DIP2B: variants seen among roughly 807,000 people sequenced by gnomAD.
DIP2B encodes DIP2 acetate--CoA ligase B (putative).
In DIP2B, 76 loss-of-function variants were observed where a neutral mutation model predicts 198.0. That is an observed-to-expected ratio of 0.38 (90% confidence interval 0.32 to 0.46). The LOEUF (loss-of-function observed/expected upper bound fraction) is 0.46. DIP2B is among the 20% of genes least tolerant of loss of function. The probability of loss-of-function intolerance (pLI) is 0.99; values close to 1 mark genes in which losing one functional copy is unlikely to be tolerated. For missense variants in DIP2B, 1,559 were observed against 1,978.4 expected (o/e 0.79, Z 4.02); for synonymous variants, 701 against 739.1 (o/e 0.95, Z 0.84).
chr12:50,688,463 G>A (rs1939168640), intron 12 of DIP2B, among the ~76,000 whole-genome samples: 1 of 152,142 alleles, frequency 6.6e-6, no homozygotes, highest in Middle Eastern at 3.4e-3. Flanking sequence ...ACTAACCTGA[G>A]TAACATAGTG....
At chr12:50,594,988 G>A (rs1448112620) in intron 1 of DIP2B, among the ~76,000 whole-genome samples, 1 of 152,168 alleles carries the variant, frequency 6.6e-6, no homozygotes, top group Non-Finnish European at 1.5e-5. Flanking sequence ...TAACTGTAAT[G>A]TAGTACTATG....
At chr12:50,738,773 C>T (rs1017756827) in intron 35 of DIP2B, among the ~76,000 whole-genome samples, 8 of 152,168 alleles carry the variant, frequency 5.3e-5, no homozygotes, top group African/African-American at 1.9e-4. Context: ...AGCCACCACG[C>T]CCAGCCTATT....
intron 4 of DIP2B, among the ~76,000 whole-genome samples, chr12:50,670,256 T>G (rs1303034837): frequency 6.6e-6 from 1 of 151,250 alleles, no homozygotes. Context: ...AAGAAAGAAA[T>G]ACTGATGCTG....
chr12:50,549,261 G>A (rs182523735), intron 1 of DIP2B, among the ~76,000 whole-genome samples: 1 of 151,762 alleles, frequency 6.6e-6, no homozygotes, highest in African/African-American at 2.4e-5. Context: ...AAGGTCAAGA[G>A]ATCAAGACCA....
rs777885664 is a variant in DIP2B at position 50,680,705 on chromosome 12, A to G, written c.1148A>G (p.Tyr383Cys). 1.9e-6 allele frequency: 3 copies of G among 1,613,380 alleles called. No homozygotes were observed. Among genetic ancestry groups the G allele is most frequent in the Non-Finnish European group, 2.5e-6 (3 of 1,179,836 alleles). ...TGGAGCAGAAGTTTAAAGTTGGCCT[A>G]CACACTTCTTAATAAACTGGGGACC... ...KLWSRSLKLA[Y>C]TLLNKLGTKN... Residue 383 changes from tyrosine to cysteine, a missense_variant, in exon 9 of 38, where the codon TAC (tyrosine) becomes TGC (cysteine). Tyr to Cys is a radical substitution (Grantham distance 194, BLOSUM62 -2). Coordinates refer to ENST00000301180, the MANE Select transcript of DIP2B (RefSeq NM_173602.3).
At chr12:50,654,323 G>T (rs1416550840) in intron 3 of DIP2B, among the ~76,000 whole-genome samples, 1 of 150,982 alleles carries the variant, frequency 6.6e-6, no homozygotes, top group African/African-American at 2.4e-5. Flanking sequence ...CAAAAAAACA[G>T]ATGCCATACT....
At chr12:50,705,912 G>GT (rs1251745137) in intron 20 of DIP2B, among the ~76,000 whole-genome samples, 12 of 152,338 alleles carry the variant, frequency 7.9e-5, no homozygotes, top group African/African-American at 2.9e-4. Context: ...TGTAATGAAT[G>GT]AGAAAAGTTA....
At chr12:50,599,107 T>C (rs1958913831) in intron 1 of DIP2B, among the ~76,000 whole-genome samples, 2 of 140,272 alleles carry the variant, frequency 1.4e-5, no homozygotes, top group South Asian at 4.7e-4. Context: ...CTGGGCGACA[T>C]GGCAAAACTC....
chr12:50,720,832 G>T lies in DIP2B; in HGVS notation c.3043-441G>T, dbSNP rs573735664. On this transcript the variant is annotated intron_variant, in intron 25 of 37. Coordinates refer to ENST00000301180, the MANE Select transcript of DIP2B (RefSeq NM_173602.3). ...GCGTCCCATACATGTCTTTTTGTTT[G>T]ATTTTATTTTATTATTATTTTTTCT... Among the ~76,000 whole-genome samples, 32 of 152,202 alleles carry T rather than the reference G, an allele frequency of 2.1e-4. 1 individual carries two copies. In the South Asian group the frequency reaches 6.6e-3, roughly 32 times the overall value.
chr12:50,659,893 A>G (rs879498301), intron 3 of DIP2B, among the ~76,000 whole-genome samples: 8 of 152,172 alleles, frequency 5.3e-5, no homozygotes, highest in Non-Finnish European at 7.3e-5. Flanking sequence ...TGTTAGACTC[A>G]GTATTCTGTC....
chr12:50,599,850 G>C (rs906613008), intron 1 of DIP2B, among the ~76,000 whole-genome samples: 1 of 152,102 alleles, frequency 6.6e-6, no homozygotes, highest in African/African-American at 2.4e-5. Flanking sequence ...TGTTTTCTGC[G>C]ATGGCAATAG....
rs560575928 is a variant in DIP2B, at chr12:50,672,026, A to G, written c.640+628A>G. 5.3e-5 allele frequency among the ~76,000 whole-genome samples: 8 copies of G among 152,304 alleles called. No individual in the cohort carries two copies. The East Asian group carries it at 1.2e-3, about 22-fold the overall frequency. ...AGAGTTGTGACATCTGCAGATAAAGATACAGCTCAGATCTCTGCTTTTGCT... is the reference window on the plus strand; with the variant it reads ...AGAGTTGTGACATCTGCAGATAAAGGTACAGCTCAGATCTCTGCTTTTGCT... On this transcript the variant is annotated intron_variant, in intron 5 of 37. Transcript: ENST00000301180.
intron 37 of DIP2B, among the ~76,000 whole-genome samples, chr12:50,742,769 A>G (rs1022372086): frequency 7.2e-5 from 11 of 151,976 alleles, no homozygotes; most frequent in African/African-American, 2.4e-4. Flanking sequence ...AGTGGCAGGC[A>G]CCCGTAATCC....
Position 50,688,168 on chromosome 12 carries a change from C to T in DIP2B, c.1551+1486C>T, listed in dbSNP as rs146457056. On this transcript the variant is annotated intron_variant, in intron 12 of 37. Transcript: ENST00000301180. ...CAGAGGTTGCAGTGAGCTGAGATCA[C>T]GCCACTGCACTAGAGAGGCTGGATG... is the stretch of plus-strand genomic sequence containing the variant. Among the ~76,000 whole-genome samples the T allele has an allele frequency of 2.2e-3, 328 of 151,836 alleles. 2 individuals carry two copies. Among genetic ancestry groups the T allele is most frequent in the African/African-American group, 7.7e-3 (319 of 41,412 alleles).
At position 50,735,074 on chromosome 12, in the gene DIP2B, G is replaced by A; in HGVS notation, c.4045G>A (p.Val1349Ile). The A allele has an allele frequency of 6.2e-7, 1 of 1,614,164 alleles. No individual in the cohort carries two copies. The highest frequency in any genetic ancestry group is 1.1e-5 in the South Asian group (1 of 91,076). ...ATAGTAAATACCGTTCTTCTGCAGG[G>A]TTCGTCTCGTGGAACGTGGCGCCCC... ...VDLKSLRHDR[V>I]RLVERGAPQS... is the part of the protein sequence containing the mutation. The change falls in exon 34 of 38, where the codon GTT becomes ATT. Residue 1349 changes from valine to isoleucine, a missense_variant and splice_region_variant. Coordinates refer to ENST00000301180, the MANE Select transcript of DIP2B (RefSeq NM_173602.3).
intron 9 of DIP2B, among the ~76,000 whole-genome samples, chr12:50,682,570 A>G (rs1224883511): frequency 7.1e-6 from 1 of 139,898 alleles, no homozygotes; most frequent in Non-Finnish European, 1.5e-5. Context: ...CGGAGCTTGC[A>G]GTGAGCTGAG....
intron 1 of DIP2B, among the ~76,000 whole-genome samples, chr12:50,569,969 C>T (rs970406319): frequency 2.0e-5 from 3 of 152,266 alleles, no homozygotes; most frequent in African/African-American, 7.2e-5. Flanking sequence ...ACATCTGTTG[C>T]AAGTTGTTAA....
At chr12:50,544,882 G>T (rs577685280) in intron 1 of DIP2B, among the ~76,000 whole-genome samples, 4 of 152,238 alleles carry the variant, frequency 2.6e-5, no homozygotes, top group African/African-American at 9.6e-5. Flanking sequence ...CTCCCAAAGT[G>T]CTGGGATTAC....
intron 1 of DIP2B, among the ~76,000 whole-genome samples, chr12:50,620,080 A>C (rs973590254): frequency 6.6e-6 from 1 of 152,166 alleles, no homozygotes; most frequent in Non-Finnish European, 1.5e-5. Flanking sequence ...ATCAAGAAAT[A>C]AAACTTGTCT....
Sources: gnomAD v4.1 joint callset for allele counts (sites outside exome capture counted in the v4.1 genomes callset) on GRCh38, gnomAD v4.1.1 for gene constraint, MANE v1.5 for transcripts, NCBI Gene and HGNC (gene_info 2026-07-23, HGNC 2026-07-21) for gene names.